Variants in RIMS2 observed in about 807,000 individuals in gnomAD.
RIMS2 encodes regulating synaptic membrane exocytosis protein 2.
RIMS2 carries 59 observed loss-of-function variants against 174.4 expected under a neutral mutation model. The observed-to-expected ratio is 0.34, with a 90% CI of 0.27 to 0.42. RIMS2 has a LOEUF of 0.42. RIMS2 is among the 10% of genes least tolerant of loss of function. The pLI, the probability that RIMS2 is intolerant of heterozygous loss-of-function variation, is 1.00. For synonymous variants in RIMS2, 606 were observed against 572.5 expected (o/e 1.06, Z -0.84); for missense variants, 1,620 against 1,666.3 (o/e 0.97, Z 0.48).
At chr8:103,962,612 A>G (rs1053146714) in intron 15 of RIMS2, among the ~76,000 whole-genome samples, 1 of 149,444 alleles carries the variant, frequency 6.7e-6, no homozygotes, top group Non-Finnish European at 1.5e-5. Context: ...TTTATTTTTT[A>G]TTGATTGATT....
chr8:103,717,296 C>G (rs1230204992), intron 2 of RIMS2, among the ~76,000 whole-genome samples: 2 of 135,958 alleles, frequency 1.5e-5, no homozygotes, highest in East Asian at 5.3e-4. Flanking sequence ...CAATTTCTTT[C>G]TTTTTCTTTC....
At chr8:104,083,518 T>A (rs898140073) in intron 19 of RIMS2, among the ~76,000 whole-genome samples, 82 of 152,218 alleles carry the variant, frequency 5.4e-4, no homozygotes, top group African/African-American at 1.9e-3. Flanking sequence ...ATAATCCATG[T>A]AATGTTTAAA....
chr8:104,121,225 G>A (rs2098369246), intron 19 of RIMS2, among the ~76,000 whole-genome samples: 3 of 152,058 alleles, frequency 2.0e-5, no homozygotes. Context: ...ATATTCCAAA[G>A]TGATATATAT....
intron 1 of RIMS2, among the ~76,000 whole-genome samples, chr8:103,535,497 C>T (rs1175231824): frequency 2.0e-5 from 3 of 152,104 alleles, no homozygotes; most frequent in Non-Finnish European, 2.9e-5. Flanking sequence ...ATTATTGAGT[C>T]GATTACAGCT....
chr8:103,866,085 G>A (rs2099083166), intron 3 of RIMS2, among the ~76,000 whole-genome samples: 1 of 152,080 alleles, frequency 6.6e-6, no homozygotes, highest in Non-Finnish European at 1.5e-5. Context: ...TTAGAAAACA[G>A]TAATATTTTT....
chr8:104,175,319 A>AT (rs2098877350), intron 19 of RIMS2, among the ~76,000 whole-genome samples: 1 of 151,054 alleles, frequency 6.6e-6, no homozygotes, highest in Non-Finnish European at 1.5e-5. Context: ...TTGTGTATAT[A>AT]TTTTTATTGT....
chr8:104,181,540 G>T (rs1178020619), intron 19 of RIMS2, among the ~76,000 whole-genome samples: 2 of 151,466 alleles, frequency 1.3e-5, no homozygotes, highest in Non-Finnish European at 3.0e-5. Context: ...CATTAAAAGA[G>T]CTATAATTAT....
chr8:103,530,617 T>C (rs1321367310), intron 1 of RIMS2, among the ~76,000 whole-genome samples: 1 of 152,208 alleles, frequency 6.6e-6, no homozygotes, highest in Non-Finnish European at 1.5e-5. Flanking sequence ...TGAAGCTATA[T>C]TAATATCAGA....
At chr8:104,219,708 A>G (rs1364103181) in intron 19 of RIMS2, among the ~76,000 whole-genome samples, 1 of 152,140 alleles carries the variant, frequency 6.6e-6, no homozygotes, top group Non-Finnish European at 1.5e-5. Context: ...CTTTTTCTCT[A>G]TAAATTAATT....
intron 2 of RIMS2, among the ~76,000 whole-genome samples, chr8:103,741,314 G>A (rs2097759696): frequency 1.3e-5 from 2 of 151,976 alleles, no homozygotes; most frequent in South Asian, 2.1e-4. Flanking sequence ...CAAATGCTGA[G>A]GAAATATGTT....
At chr8:103,508,435 G>GC (rs147730079) in intron 1 of RIMS2, among the ~76,000 whole-genome samples, 1,996 of 137,326 alleles carry the variant, frequency 0.015, 43 homozygotes, top group African/African-American at 0.047. Flanking sequence ...ATTCCTCTTT[G>GC]CCCCCAAAAC....
At chr8:104,137,582 G>T (rs1458755785) in intron 19 of RIMS2, among the ~76,000 whole-genome samples, 1 of 152,028 alleles carries the variant, frequency 6.6e-6, no homozygotes, top group African/African-American at 2.4e-5. Flanking sequence ...TAAATAGATG[G>T]CATATGATAA....
intron 1 of RIMS2, among the ~76,000 whole-genome samples, chr8:103,648,597 A>G (rs1205042699): frequency 6.6e-6 from 1 of 152,124 alleles, no homozygotes; most frequent in Non-Finnish European, 1.5e-5. Flanking sequence ...GTCTCTAAGA[A>G]CTTGCTTTAT....
chr8:103,631,415 C>T (rs1009940213), intron 1 of RIMS2, among the ~76,000 whole-genome samples: 6 of 152,020 alleles, frequency 3.9e-5, no homozygotes, highest in Admixed American at 2.0e-4. Context: ...TATTTTTGTA[C>T]GTTTTGTTGA....
exon 4 of RIMS2, chr8:103,885,930 A>G: frequency 6.2e-7 from 1 of 1,613,088 alleles, no homozygotes; most frequent in Non-Finnish European, 8.5e-7. Context: ...CTACCCATAG[A>G]TAGACCAGAC....
intron 19 of RIMS2, among the ~76,000 whole-genome samples, chr8:104,109,658 C>T (rs2098142299): frequency 6.6e-6 from 1 of 152,198 alleles, no homozygotes; most frequent in African/African-American, 2.4e-5. Flanking sequence ...ACTTTTTTAG[C>T]TTTTTAGAAC....
chr8:103,532,818 T>C (rs530880394), intron 1 of RIMS2, among the ~76,000 whole-genome samples: 1 of 152,306 alleles, frequency 6.6e-6, no homozygotes, highest in Admixed American at 6.5e-5. Flanking sequence ...TTTTAATTAC[T>C]AGTGAGTACA....
chr8:104,109,586 T>C (rs929815207), intron 19 of RIMS2, among the ~76,000 whole-genome samples: 3 of 151,978 alleles, frequency 2.0e-5, no homozygotes, highest in African/African-American at 7.3e-5. Flanking sequence ...TCATAAATAG[T>C]AGAGATGGGT....
chr8:103,978,178 A>G (rs921571378), intron 16 of RIMS2, among the ~76,000 whole-genome samples: 1 of 152,244 alleles, frequency 6.6e-6, no homozygotes, highest in Non-Finnish European at 1.5e-5. Flanking sequence ...TGTATTTCAT[A>G]TTATACCACA....
Sources: gnomAD v4.1 joint callset for allele counts (sites outside exome capture counted in the v4.1 genomes callset) on GRCh38, gnomAD v4.1.1 for gene constraint, MANE v1.5 for transcripts, NCBI Gene and HGNC (gene_info 2026-07-23, HGNC 2026-07-21) for gene names.